Variants in MSL2 observed in about 807,000 individuals in gnomAD.
The protein encoded by MSL2 is MSL complex subunit 2.
MSL2 carries 2 observed loss-of-function variants against 35.8 expected under a neutral mutation model. The observed-to-expected ratio is 0.06, with a 90% CI of 0.02 to 0.18. The LOEUF is 0.18. Ranked by LOEUF, MSL2 falls within the 10% of genes least tolerant of loss-of-function variation. The probability of loss-of-function intolerance (pLI) is 1.00; values close to 1 mark genes in which losing one functional copy is unlikely to be tolerated. For synonymous variants in MSL2, 296 were observed against 255.7 expected (o/e 1.16, Z -1.50); for missense variants, 523 against 706.7 (o/e 0.74, Z 2.95).
At chr3:136,167,388 T>C (rs1939881378) in intron 1 of MSL2, among the ~76,000 whole-genome samples, 1 of 152,180 alleles carries the variant, frequency 6.6e-6, no homozygotes, top group Admixed American at 6.5e-5. Flanking sequence ...GGCTTAACTT[T>C]GGCCTTTGAC....
intron 1 of MSL2, among the ~76,000 whole-genome samples, chr3:136,161,804 ACTTTAAGACAAGGCACCAATAG>A (rs1939713634): frequency 6.6e-6 from 1 of 152,108 alleles, no homozygotes; most frequent in Non-Finnish European, 1.5e-5. Context: ...TAAAAATAAC[ACTTTAAGACAAGGCACCAATAG>A]TTACAGAATC....
At chr3:136,184,793 T>C (rs1940470098) in intron 1 of MSL2, among the ~76,000 whole-genome samples, 1 of 134,304 alleles carries the variant, frequency 7.4e-6, no homozygotes, top group African/African-American at 3.0e-5. Context: ...AAGGACAAAC[T>C]GAGGAGGACA....
At chr3:136,189,352 C>G (rs1199360614) in intron 1 of MSL2, among the ~76,000 whole-genome samples, 2 of 142,518 alleles carry the variant, frequency 1.4e-5, no homozygotes, top group East Asian at 4.1e-4. Flanking sequence ...CTATCTATAG[C>G]TGAATTGTAT....
chr3:136,158,254 G>C (rs890610380), intron 1 of MSL2, among the ~76,000 whole-genome samples: 1 of 151,764 alleles, frequency 6.6e-6, no homozygotes, highest in African/African-American at 2.4e-5. Flanking sequence ...GGAGGCTGCG[G>C]TGAGCCGAGA....
At chr3:136,160,370 G>C in intron 1 of MSL2, among the ~76,000 whole-genome samples, 1 of 83,990 alleles carries the variant, frequency 1.2e-5, no homozygotes, top group South Asian at 5.6e-4. Context: ...AGGGAGGGAG[G>C]GAGGGAGATC....
chr3:136,149,586 C>T lies in MSL2; in HGVS notation c.*1561G>A, dbSNP rs1252099780. 8.0e-6 allele frequency: 1 copy of T among 124,604 alleles called. No homozygotes were observed. Among genetic ancestry groups the T allele is most frequent in the Non-Finnish European group, 1.7e-5 (1 of 59,192 alleles). The allele number at this position is 124,604 out of a possible 1,614,324, so 7.7% of individuals were successfully genotyped here. A position where few individuals can be genotyped will look rare whatever the true frequency, so the allele number is the denominator to read the frequency against. On this transcript the variant is annotated 3_prime_UTR_variant, in exon 2 of 2. Transcript: ENST00000309993. ...CCCACCCCCACCCCACCAAAAGAGACCAAAAAAAAAAAAAGAAAAAAAAGC... is the reference window on the plus strand; with the variant it reads ...CCCACCCCCACCCCACCAAAAGAGATCAAAAAAAAAAAAAGAAAAAAAAGC...
intron 1 of MSL2, among the ~76,000 whole-genome samples, chr3:136,161,860 C>G (rs190685550): frequency 1.3e-5 from 2 of 152,042 alleles, no homozygotes; most frequent in African/African-American, 4.8e-5. Flanking sequence ...AATGCCAATG[C>G]AAGGATCCCT....
intron 1 of MSL2, among the ~76,000 whole-genome samples, chr3:136,161,011 C>T (rs538823623): frequency 4.6e-5 from 7 of 151,896 alleles, no homozygotes; most frequent in South Asian, 4.2e-4. Context: ...CACTTGAACC[C>T]GGGAGGCGGA....
At chr3:136,152,834 G>C (rs552094684) in intron 1 of MSL2, 96 bp from the exon 2 acceptor site, 17 of 1,492,454 alleles carry the variant, frequency 1.1e-5, no homozygotes, top group Non-Finnish European at 1.4e-5. Flanking sequence ...TATCAAAATT[G>C]AGATGAATTA....
At chr3:136,184,564 T>G (rs1250594790) in intron 1 of MSL2, among the ~76,000 whole-genome samples, 2 of 151,418 alleles carry the variant, frequency 1.3e-5, no homozygotes, top group Admixed American at 1.3e-4. Context: ...GATCCCACCA[T>G]TGCACTCCAG....
At chr3:136,191,293 C>T (rs1006069399) in intron 1 of MSL2, among the ~76,000 whole-genome samples, 2 of 151,696 alleles carry the variant, frequency 1.3e-5, no homozygotes, top group African/African-American at 2.4e-5. Context: ...ATGGTGAAAC[C>T]CCGTCTCTAC....
chr3:136,173,082 G>A (rs534972091), intron 1 of MSL2, among the ~76,000 whole-genome samples: 1 of 152,264 alleles, frequency 6.6e-6, no homozygotes, highest in East Asian at 1.9e-4. Context: ...AAAATCGCTT[G>A]AACCCAGAAA....
chr3:136,179,255 T>C (rs1429625665), intron 1 of MSL2, among the ~76,000 whole-genome samples: 1 of 152,118 alleles, frequency 6.6e-6, no homozygotes, highest in Non-Finnish European at 1.5e-5. Flanking sequence ...AGCACCATCA[T>C]GGTTCAAACC....
chr3:136,167,925 A>C (rs754902870), intron 1 of MSL2, among the ~76,000 whole-genome samples: 1 of 152,208 alleles, frequency 6.6e-6, no homozygotes, highest in African/African-American at 2.4e-5. Flanking sequence ...AAAAGACAGG[A>C]AACAGTTTTC....
At chr3:136,192,282 T>C (rs1940710893) in intron 1 of MSL2, among the ~76,000 whole-genome samples, 1 of 152,152 alleles carries the variant, frequency 6.6e-6, no homozygotes, top group Admixed American at 6.5e-5. Flanking sequence ...AAGCAATGTC[T>C]GGAGATCGGC....
intron 1 of MSL2, chr3:136,155,746 C>A: frequency 1.9e-6 from 1 of 521,674 alleles, no homozygotes; most frequent in African/African-American, 1.9e-5. Flanking sequence ...CTTCTACAGA[C>A]GGAATTGTGA....
chr3:136,189,930 T>C (rs1247135518), intron 1 of MSL2, among the ~76,000 whole-genome samples: 1 of 151,838 alleles, frequency 6.6e-6, no homozygotes, highest in Non-Finnish European at 1.5e-5. Context: ...TTTCTACAAA[T>C]ATTAACCAGG....
At chr3:136,164,844 T>C (rs188590195) in intron 1 of MSL2, among the ~76,000 whole-genome samples, 6 of 151,870 alleles carry the variant, frequency 4.0e-5, no homozygotes, top group African/African-American at 1.5e-4. Flanking sequence ...CACACACAAG[T>C]ACAAAAAAAG....
At chr3:136,164,999 G>A (rs932444109) in intron 1 of MSL2, among the ~76,000 whole-genome samples, 20 of 151,580 alleles carry the variant, frequency 1.3e-4, no homozygotes, top group African/African-American at 3.2e-4. Flanking sequence ...TCAGCCTCCC[G>A]AGCAGCTGGG....
Sources: gnomAD v4.1 joint callset for allele counts (sites outside exome capture counted in the v4.1 genomes callset) on GRCh38, gnomAD v4.1.1 for gene constraint, MANE v1.5 for transcripts, NCBI Gene and HGNC (gene_info 2026-07-23, HGNC 2026-07-21) for gene names.